The following KLHL9 variants were observed in gnomAD, a reference collection of about 807,000 sequenced individuals.
KLHL9 encodes the protein kelch-like protein 9.
Under a neutral mutation model 42.3 loss-of-function variants are expected in KLHL9, and 27 were observed. The ratio of observed to expected loss-of-function variants is 0.64; its 90% CI spans 0.47 to 0.88. The LOEUF (loss-of-function observed/expected upper bound fraction) is 0.88. KLHL9 is among the 40% of genes least tolerant of loss of function. KLHL9 has a pLI of 0.00. For missense variants in KLHL9, 629 were observed against 750.3 expected (o/e 0.84, Z 1.89); for synonymous variants, 274 against 254.4 (o/e 1.08, Z -0.73).
At position 21,335,242 on chromosome 9, in the gene KLHL9, G is replaced by A; in HGVS notation, c.-383C>T. 1 of 483,800 alleles carries A rather than the reference G, an allele frequency of 2.1e-6. No individual in the cohort carries two copies. The highest frequency in any genetic ancestry group is 3.2e-5 in the East Asian group (1 of 31,150). The allele number at this position is 483,800 out of a possible 1,614,324, so 30.0% of individuals were successfully genotyped here. On this transcript the variant is annotated 5_prime_UTR_variant, in exon 1 of 1. Transcript: ENST00000359039. ...GGCGGGTCCGGACACCTCAGCGAAC[G>A]GCCCGCTGCGCCCTCCGCTGTACCT...
At position 21,333,145 on chromosome 9, in the gene KLHL9, T is replaced by C; in HGVS notation, c.1715A>G (p.Asp572Gly). The change falls in exon 1 of 1, where the codon GAT becomes GGT. Residue 572 changes from aspartate (D) to glycine (G), a missense_variant. Transcript: ENST00000359039. The surrounding 1 kb of genome is among the most constrained non-coding windows in gnomAD (Gnocchi z 7.5). ...AAGATCAAAAACTTTATGCCACTCA[T>C]CTTTTTCTGGGTCATATTTCTGGAC... ...EIVQKYDPEK[D>G]EWHKVFDLPE... 1 of 1,614,206 alleles carries C rather than the reference T, an allele frequency of 6.2e-7. No homozygotes were observed.
rs1820184922 is a variant in KLHL9, at chr9:21,332,271, A to T, written c.*735T>A. On this transcript the variant is annotated 3_prime_UTR_variant, in exon 1 of 1. Transcript: ENST00000359039. ...ATAGACATTTATTCTCTGGTACTGA[A>T]TTTCCATTTGAATAGAAACGGCTGC... The T allele has an allele frequency of 6.6e-6, 1 of 152,596 alleles. No homozygotes were observed. The highest frequency in any genetic ancestry group is 2.4e-5 in the African/African-American group (1 of 41,452). The allele number at this position is 152,596 out of a possible 1,614,324, so 9.5% of individuals were successfully genotyped here. A position where few individuals can be genotyped will look rare whatever the true frequency, so the allele number is the denominator to read the frequency against.
rs1016791239 is a variant in KLHL9, at chr9:21,335,064, T to G, written c.-205A>C. 19 of 639,064 alleles carry G rather than the reference T, an allele frequency of 3.0e-5. 1 individual carries two copies. The highest frequency in any genetic ancestry group is 4.0e-5 in the South Asian group (2 of 50,150). The allele number at this position is 639,064 out of a possible 1,614,324, so 39.6% of individuals were successfully genotyped here. A position where few individuals can be genotyped will look rare whatever the true frequency, so the allele number is the denominator to read the frequency against. On this transcript the variant is annotated 5_prime_UTR_variant, in exon 1 of 1. The change abolishes the stop of an existing upstream ORF in the 5' untranslated region. Coordinates refer to ENST00000359039, the MANE Select transcript of KLHL9 (RefSeq NM_018847.4). The stretch of plus-strand genomic sequence containing the variant: ...GCAGGACCACAAAGGGCTGTGGACC[T>G]CAAATCTGATTATTAGACAGATGAT...
In KLHL9 at chr9:21,330,379, A is replaced by C. The variant is rs938048462; in HGVS notation, c.*2627T>G. On this transcript the variant is annotated 3_prime_UTR_variant, in exon 1 of 1. Coordinates refer to ENST00000359039, the MANE Select transcript of KLHL9 (RefSeq NM_018847.4). ...TGTGGCATCCTGTTGGCCCTCAAAA[A>C]GTTTTAAATTTTGGAGCAATTTGGA... The C allele has an allele frequency of 1.3e-5, 2 of 152,200 alleles. No individual in the cohort carries two copies. Among genetic ancestry groups the C allele is most frequent in the Non-Finnish European group, 2.9e-5 (2 of 68,038 alleles). 9.4% of individuals were successfully genotyped at this position (152,200 alleles called of 1,614,324 possible).
Position 21,334,740 on chromosome 9 carries a change from A to C in KLHL9, c.120T>G (p.Phe40Leu), listed in dbSNP as rs1253834816. Residue 40 changes from phenylalanine (F) to leucine (L), a missense_variant, in exon 1 of 1, where the codon TTT becomes TTG. Physicochemically the swap from Phe to Leu is conservative, Grantham distance 22 (BLOSUM62 0). Transcript: ENST00000359039. The surrounding 1 kb of genome is among the most constrained non-coding windows in gnomAD (Gnocchi z 5.1). ...NTHSSVVLQG[F>L]DQLRIEGLLC... is the part of the protein sequence containing the mutation. The stretch of plus-strand genomic sequence containing the variant: ...GCAATCCTTCTATTCTAAGCTGATC[A>C]AAGCCTTGCAATACCACCGAACTGT... 3 of 1,612,826 alleles carry C rather than the reference A, an allele frequency of 1.9e-6. No individual in the cohort carries two copies. The highest frequency in any genetic ancestry group is 1.1e-5 in the South Asian group (1 of 90,986).
Position 21,334,901 on chromosome 9 carries a change from G to C in KLHL9, c.-42C>G, listed in dbSNP as rs1229491596. ...TGCACAGAGATGCAAGCCGGATAAA[G>C]AAGTTATAACCGGAATGTTTTACAG... On this transcript the variant is annotated 5_prime_UTR_variant, in exon 1 of 1. Coordinates refer to ENST00000359039, the MANE Select transcript of KLHL9 (RefSeq NM_018847.4). This position sits in a 1 kb window ranked among gnomAD's most constrained non-coding sequence, Gnocchi z 5.1. The C allele has an allele frequency of 1.2e-6, 2 of 1,612,368 alleles. No homozygotes were observed. Among genetic ancestry groups the C allele is most frequent in the Non-Finnish European group, 1.7e-6 (2 of 1,179,614 alleles).
Position 21,334,748 on chromosome 9 carries a change from G to C in KLHL9, c.112C>G (p.Gln38Glu). The C allele has an allele frequency of 6.2e-7, 1 of 1,612,596 alleles. No homozygotes were observed. The highest frequency in any genetic ancestry group is 8.5e-7 in the Non-Finnish European group (1 of 1,179,040). Reference protein sequence around the residue: ...TSNTHSSVVLQGFDQLRIEGL... With the variant: ...TSNTHSSVVLEGFDQLRIEGL... ...TCTATTCTAAGCTGATCAAAGCCTT[G>C]CAATACCACCGAACTGTGAGTATTG... The change falls in exon 1 of 1, where the codon CAA becomes GAA. Residue 38 changes from glutamine (Q) to glutamate (E), a missense_variant. Physicochemically the swap from Gln to Glu is conservative, Grantham distance 29 (BLOSUM62 2). This residue lies in a region of KLHL9 where 351 missense variants were observed against 363.1 expected (regional missense o/e 0.97). Coordinates refer to ENST00000359039, the MANE Select transcript of KLHL9 (RefSeq NM_018847.4). This position sits in a 1 kb window ranked among gnomAD's most constrained non-coding sequence, Gnocchi z 5.1.
Position 21,333,545 on chromosome 9 carries a change from G to A in KLHL9, c.1315C>T (p.His439Tyr). The A allele has an allele frequency of 6.2e-7, 1 of 1,614,138 alleles. No homozygotes were observed. The highest frequency in any genetic ancestry group is 8.5e-7 in the Non-Finnish European group (1 of 1,180,040). ...AAGCCTCCATATACTGTTCCAGCAT[G>A]ACCATAGTGGGGTTCACTCATTTTT... ...VAKMSEPHYG[H>Y]AGTVYGGLMY... The change falls in exon 1 of 1, where the codon CAT (histidine) becomes TAT (tyrosine). Residue 439 changes from histidine (H) to tyrosine (Y), a missense_variant. Physicochemically the swap from His to Tyr is moderately conservative, Grantham distance 83. Around this residue, in one of 4 missense-constraint regions of KLHL9, gnomAD observed 214 missense variants for 305.8 expected, o/e 0.70. Transcript: ENST00000359039. This position sits in a 1 kb window ranked among gnomAD's most constrained non-coding sequence, Gnocchi z 7.5.
chr9:21,334,639 C>G lies in KLHL9; in HGVS notation c.221G>C (p.Ser74Thr), dbSNP rs1241058170. 15 of 1,614,088 alleles carry G rather than the reference C, an allele frequency of 9.3e-6. No individual in the cohort carries two copies. The highest frequency in any genetic ancestry group is 1.7e-5 in the Admixed American group (1 of 60,012). ...PVHRAMMASASDYFKAMFTGG... is the reference protein window; with the variant it reads ...PVHRAMMASATDYFKAMFTGG... ...TGTGAACATGGCTTTGAAATAATCA[C>G]TAGCAGACGCCATCATAGCTCTGTG... The change falls in exon 1 of 1, where the codon AGT becomes ACT. Residue 74 changes from serine (S) to threonine (T), a missense_variant. Around this residue, in one of 4 missense-constraint regions of KLHL9, gnomAD observed 351 missense variants for 363.1 expected, o/e 0.97. Coordinates refer to ENST00000359039, the MANE Select transcript of KLHL9 (RefSeq NM_018847.4). The surrounding 1 kb of genome is among the most constrained non-coding windows in gnomAD (Gnocchi z 5.1).
In KLHL9 at chr9:21,335,070, C is replaced by A. The variant is rs1452218176; in HGVS notation, c.-211G>T. 1.9e-5 allele frequency: 12 copies of A among 631,626 alleles called. No individual in the cohort carries two copies. The East Asian group carries it at 3.0e-4, about 16-fold the overall frequency. 39.1% of individuals were successfully genotyped at this position (631,626 alleles called of 1,614,324 possible). ...CCACAAAGGGCTGTGGACCTCAAATCTGATTATTAGACAGATGATTCATCA... is the reference window on the plus strand; with the variant it reads ...CCACAAAGGGCTGTGGACCTCAAATATGATTATTAGACAGATGATTCATCA... On this transcript the variant is annotated 5_prime_UTR_variant, in exon 1 of 1. Transcript: ENST00000359039.
At position 21,334,226 on chromosome 9, in the gene KLHL9, C is replaced by T; in HGVS notation, c.634G>A (p.Glu212Lys). Residue 212 changes from glutamate to lysine, a missense_variant, in exon 1 of 1, where the codon GAA becomes AAA. Glu to Lys is a moderately conservative substitution (Grantham distance 56, BLOSUM62 1). Transcript: ENST00000359039. This position sits in a 1 kb window ranked among gnomAD's most constrained non-coding sequence, Gnocchi z 5.1. The part of the protein sequence containing the change: ...LSSNSLKHCT[E>K]LELFKAACRW... Reference sequence around the variant, plus strand: ...CAGGCTGCCTTAAAGAGTTCAAGTTCGGTACAGTGCTTAAGACTATTACTG... The same window carrying T: ...CAGGCTGCCTTAAAGAGTTCAAGTTTGGTACAGTGCTTAAGACTATTACTG... The T allele has an allele frequency of 6.2e-7, 1 of 1,614,116 alleles. No homozygotes were observed. Among genetic ancestry groups the T allele is most frequent in the Non-Finnish European group, 8.5e-7 (1 of 1,180,022 alleles).
Position 21,333,857 on chromosome 9 carries a change from C to CA in KLHL9, c.1002dup (p.Ala335CysfsTer23). 6.2e-7 allele frequency: 1 copy of CA among 1,613,930 alleles called. No individual in the cohort carries two copies. The highest frequency in any genetic ancestry group is 8.5e-7 in the Non-Finnish European group (1 of 1,180,022). ...GCAATACCATGCTGGTAACGGGGAG[C>CA]ATCCATTGGGGCTAAAGATCTCCAT... On this transcript the variant is annotated frameshift_variant, in exon 1 of 1. Transcript: ENST00000359039. LOFTEE classifies it high-confidence loss of function. This position sits in a 1 kb window ranked among gnomAD's most constrained non-coding sequence, Gnocchi z 7.5.
Position 21,334,846 on chromosome 9 carries a change from A to G in KLHL9, c.14T>C (p.Leu5Pro). 6.2e-7 allele frequency: 1 copy of G among 1,614,186 alleles called. No homozygotes were observed. The highest frequency in any genetic ancestry group is 1.1e-5 in the South Asian group (1 of 91,082). Residue 5 changes from leucine to proline, a missense_variant, in exon 1 of 1, where the codon CTT becomes CCT. Around this residue, in one of 4 missense-constraint regions of KLHL9, gnomAD observed 351 missense variants for 363.1 expected, o/e 0.97. Coordinates refer to ENST00000359039, the MANE Select transcript of KLHL9 (RefSeq NM_018847.4). This position sits in a 1 kb window ranked among gnomAD's most constrained non-coding sequence, Gnocchi z 5.1. ...AGAGACGCCCATTTCGCCGTTACCAAGGGACACTTTCATGTGAAAGCTTTC... is the reference window on the plus strand; with the variant it reads ...AGAGACGCCCATTTCGCCGTTACCAGGGGACACTTTCATGTGAAAGCTTTC... The part of the protein sequence containing the change: MKVS[L>P]GNGEMGVSAH...
Position 21,329,765 on chromosome 9 carries a change from T to C in KLHL9, c.*3241A>G, listed in dbSNP as rs1038314892. 1 of 139,968 alleles carries C rather than the reference T, an allele frequency of 7.1e-6. No homozygotes were observed. The highest frequency in any genetic ancestry group is 1.5e-5 in the Non-Finnish European group (1 of 65,468). The allele number at this position is 139,968 out of a possible 1,614,324, so 8.7% of individuals were successfully genotyped here. A position where few individuals can be genotyped will look rare whatever the true frequency, so the allele number is the denominator to read the frequency against. On this transcript the variant is annotated 3_prime_UTR_variant, in exon 1 of 1. Coordinates refer to ENST00000359039, the MANE Select transcript of KLHL9 (RefSeq NM_018847.4). ...TGACAAATGCCTGCACATATGTACGTATATATATATATATAATATACTATT... is the reference window on the plus strand; with the variant it reads ...TGACAAATGCCTGCACATATGTACGCATATATATATATATAATATACTATT...
Position 21,333,307 on chromosome 9 carries a change from T to C in KLHL9, c.1553A>G (p.Tyr518Cys), listed in dbSNP as rs1485533508. 4.3e-6 allele frequency: 7 copies of C among 1,614,228 alleles called. No homozygotes were observed. The highest frequency in any genetic ancestry group is 5.1e-6 in the Non-Finnish European group (6 of 1,180,048). The part of the protein sequence containing the change: ...DYDDVLSCEY[Y>C]SPTLDQWTPI... The stretch of plus-strand genomic sequence containing the variant: ...GGTCCACTGGTCAAGGGTTGGTGAA[T>C]AGTATTCACAGCTTAGAACATCATC... The change falls in exon 1 of 1, where the codon TAT becomes TGT. Residue 518 changes from tyrosine (Y) to cysteine (C), a missense_variant. Coordinates refer to ENST00000359039, the MANE Select transcript of KLHL9 (RefSeq NM_018847.4). This position sits in a 1 kb window ranked among gnomAD's most constrained non-coding sequence, Gnocchi z 7.5.
Position 21,334,595 on chromosome 9 carries a change from C to A in KLHL9, c.265G>T (p.Asp89Tyr). 1 of 1,614,182 alleles carries A rather than the reference C, an allele frequency of 6.2e-7. No individual in the cohort carries two copies. The highest frequency in any genetic ancestry group is 8.5e-7 in the Non-Finnish European group (1 of 1,180,022). ...AMFTGGMKEQ[D>Y]LMCIKLHGVN... ...CCATGAAGCTTAATGCACATCAAAT[C>A]TTGTTCTTTCATTCCACCTGTGAAC... is the stretch of plus-strand genomic sequence containing the variant. Residue 89 changes from aspartate to tyrosine, a missense_variant, in exon 1 of 1, where the codon GAT (aspartate) becomes TAT (tyrosine). Transcript: ENST00000359039. The surrounding 1 kb of genome is among the most constrained non-coding windows in gnomAD (Gnocchi z 5.1).
rs1461000035 is a variant in KLHL9 at position 21,332,920 on chromosome 9, A to G, written c.*86T>C. The stretch of plus-strand genomic sequence containing the variant: ...ACATCAGTTACCTTTATATCTAATA[A>G]CTGTACCAATCACTGTAAGAAGATA... On this transcript the variant is annotated 3_prime_UTR_variant, in exon 1 of 1. Transcript: ENST00000359039. 7.4e-5 allele frequency: 118 copies of G among 1,584,594 alleles called. No individual in the cohort carries two copies. Among genetic ancestry groups the G allele is most frequent in the Non-Finnish European group, 9.3e-5 (108 of 1,162,422 alleles).
chr9:21,334,746 T>C lies in KLHL9; in HGVS notation c.114A>G (p.Gln38=). The change falls in exon 1 of 1, where the codon CAA becomes CAG. Residue 38 remains glutamine (Q), a synonymous_variant. Transcript: ENST00000359039. The surrounding 1 kb of genome is among the most constrained non-coding windows in gnomAD (Gnocchi z 5.1). ...TSNTHSSVVL[Q]GFDQLRIEGL... Reference sequence around the variant, plus strand: ...CTTCTATTCTAAGCTGATCAAAGCCTTGCAATACCACCGAACTGTGAGTAT... The same window carrying C: ...CTTCTATTCTAAGCTGATCAAAGCCCTGCAATACCACCGAACTGTGAGTAT... 1 of 1,612,742 alleles carries C rather than the reference T, an allele frequency of 6.2e-7. No individual in the cohort carries two copies. The highest frequency in any genetic ancestry group is 1.7e-4 in the Middle Eastern group (1 of 6,058).
rs1454730066 is a variant in KLHL9 at position 21,335,167 on chromosome 9, G to C, written c.-308C>G. 7.8e-6 allele frequency: 4 copies of C among 514,288 alleles called. No individual in the cohort carries two copies. The highest frequency in any genetic ancestry group is 3.7e-5 in the Admixed American group (1 of 26,744). The allele number at this position is 514,288 out of a possible 1,614,324, so 31.9% of individuals were successfully genotyped here. A position where few individuals can be genotyped will look rare whatever the true frequency, so the allele number is the denominator to read the frequency against. ...GCCGCTCCTTCAGCAGTTCCGCTTCGGGCAAGGAAGAGGCGCCGCCACGTA... is the reference window on the plus strand; with the variant it reads ...GCCGCTCCTTCAGCAGTTCCGCTTCCGGCAAGGAAGAGGCGCCGCCACGTA... On this transcript the variant is annotated 5_prime_UTR_variant, in exon 1 of 1. Transcript: ENST00000359039.
Sources: allele counts gnomAD v4.1 joint callset, GRCh38; gene constraint gnomAD v4.1.1; regional missense constraint gnomAD v4.1.1; non-coding constraint Gnocchi (gnomAD v3.1); transcripts MANE v1.5; gene names NCBI Gene and HGNC (gene_info 2026-07-23, HGNC 2026-07-21).